The following ADARB2 variants were observed in gnomAD, a reference collection of about 807,000 sequenced individuals.
ADARB2 encodes the protein adenosine deaminase RNA specific B2 (inactive).
In ADARB2, 25 loss-of-function variants were observed where a neutral mutation model predicts 62.2. That is an observed-to-expected ratio of 0.40 (90% CI 0.29 to 0.56). The LOEUF (loss-of-function observed/expected upper bound fraction) is 0.56. Among genes scored for constraint, ADARB2 ranks in the 20% least tolerant of loss-of-function variants. The pLI is 0.43. For synonymous variants in ADARB2, 572 were observed against 500.8 expected (o/e 1.14, Z -1.90); for missense variants, 1,071 against 1,077.4 (o/e 0.99, Z 0.08).
intron 1 of ADARB2, among the ~76,000 whole-genome samples, chr10:1,458,922 C>G (rs1327625502): frequency 6.6e-6 from 1 of 151,978 alleles, no homozygotes; most frequent in Non-Finnish European, 1.5e-5. Flanking sequence ...CTTATGCAGG[C>G]AACAATCATA....
chr10:1,721,560 T>C (rs1432389002), intron 1 of ADARB2, among the ~76,000 whole-genome samples: 2 of 152,250 alleles, frequency 1.3e-5, no homozygotes, highest in African/African-American at 4.8e-5. Flanking sequence ...AAGTGATTTC[T>C]GTTGGAAGTC....
chr10:1,636,377 C>T (rs10794774), intron 1 of ADARB2, among the ~76,000 whole-genome samples: 43,985 of 151,980 alleles, frequency 0.29, 7,385 homozygotes, highest in East Asian at 0.43. Flanking sequence ...ATTAACCAGA[C>T]ATGGTAGTGT....
intron 4 of ADARB2, among the ~76,000 whole-genome samples, chr10:1,270,488 T>C (rs1447115641): frequency 6.6e-6 from 1 of 152,228 alleles, no homozygotes; most frequent in Admixed American, 6.5e-5. Context: ...TTAGCCCTCA[T>C]TCATCTTCCC....
chr10:1,214,911 A>G lies in ADARB2; in HGVS notation c.1682+2040T>C, dbSNP rs147776819. On this transcript the variant is annotated intron_variant, in intron 7 of 9. Transcript: ENST00000381312. ...TGGCTCCCCAGCCAGGAGTGCCCAG[A>G]GCCAGGAAGGAAAGGGCACCATTTT... is the stretch of plus-strand genomic sequence containing the variant. Among the ~76,000 whole-genome samples, 252 of 152,326 alleles carry G rather than the reference A, an allele frequency of 1.7e-3. 6 individuals carry two copies. In the East Asian group the frequency reaches 0.043, roughly 26 times the overall value.
At chr10:1,215,722 A>G (rs552736247) in intron 7 of ADARB2, 21 of 152,358 alleles carry the variant, frequency 1.4e-4, no homozygotes, top group African/African-American at 5.1e-4. Context: ...CTGTGACCAC[A>G]TTGTTGTTAG....
chr10:1,323,815 G>A (rs1229334928), intron 3 of ADARB2, among the ~76,000 whole-genome samples: 1 of 152,092 alleles, frequency 6.6e-6, no homozygotes, highest in Non-Finnish European at 1.5e-5. Flanking sequence ...AAAAATAAAG[G>A]AGAAAATCTT....
intron 1 of ADARB2, among the ~76,000 whole-genome samples, chr10:1,683,976 C>T (rs545520543): frequency 2.6e-5 from 4 of 152,308 alleles, no homozygotes; most frequent in Middle Eastern, 6.8e-3. Context: ...GAAAGACCAC[C>T]GCCAAAGAGC....
At chr10:1,648,613 T>C (rs1834073947) in intron 1 of ADARB2, among the ~76,000 whole-genome samples, 1 of 152,200 alleles carries the variant, frequency 6.6e-6, no homozygotes. Context: ...CAAGAGACCC[T>C]GGCCCCCGTG....
At chr10:1,324,131 A>T (rs1283505385) in intron 3 of ADARB2, among the ~76,000 whole-genome samples, 1 of 152,240 alleles carries the variant, frequency 6.6e-6, no homozygotes, top group Non-Finnish European at 1.5e-5. Context: ...GGATATATGG[A>T]TAGGCACATG....
At chr10:1,462,741 C>CTGTGTGTATGTATGCATGTGTGTGCA (rs1564296651) in intron 1 of ADARB2, among the ~76,000 whole-genome samples, 3 of 148,736 alleles carry the variant, frequency 2.0e-5, no homozygotes, top group African/African-American at 7.6e-5. Flanking sequence ...GTGTATGTGC[C>CTGTGTGTATGTATGCATGTGTGTGCA]TGTGTGTATG....
chr10:1,341,441 G>A (rs1379275159), intron 3 of ADARB2, among the ~76,000 whole-genome samples: 6 of 141,702 alleles, frequency 4.2e-5, no homozygotes, highest in East Asian at 2.1e-4. Context: ...ACCCCACAGC[G>A]GCAATAACCG....
chr10:1,398,085 C>T lies in ADARB2; in HGVS notation c.101-18925G>A, dbSNP rs1275889778. 4.3e-4 allele frequency among the ~76,000 whole-genome samples: 28 copies of T among 65,178 alleles called. No homozygotes were observed. Among genetic ancestry groups the T allele is most frequent in the Admixed American group, 9.2e-4 (5 of 5,428 alleles). The allele number at this position is 65,178 out of a possible 152,430, so 42.8% of individuals were successfully genotyped here. On this transcript the variant is annotated intron_variant, in intron 1 of 9. Coordinates refer to ENST00000381312, the MANE Select transcript of ADARB2 (RefSeq NM_018702.4). The surrounding 1 kb of genome is among the most constrained non-coding windows in gnomAD (Gnocchi z 4.1). ...CGAGTGCAGGCTTCCTGGGTCACCG[C>T]CCTCCTCTCCCCTCCCGAGTGCAGG...
intron 1 of ADARB2, among the ~76,000 whole-genome samples, chr10:1,528,725 A>C (rs1281373061): frequency 6.6e-6 from 1 of 152,208 alleles, no homozygotes; most frequent in South Asian, 2.1e-4. Context: ...GAAAACAGTT[A>C]GATGCTGTCA....
chr10:1,671,317 C>T (rs1834382499), intron 1 of ADARB2, among the ~76,000 whole-genome samples: 1 of 152,198 alleles, frequency 6.6e-6, no homozygotes. Flanking sequence ...GAGCACCTCA[C>T]CACGGTTGCC....
At chr10:1,191,032 G>C (rs944763674) in intron 8 of ADARB2, among the ~76,000 whole-genome samples, 14 of 150,780 alleles carry the variant, frequency 9.3e-5, no homozygotes, top group Admixed American at 9.2e-4. Context: ...ACACTCTGCA[G>C]AATGGGGGTT....
intron 1 of ADARB2, chr10:1,675,290 G>A (rs1834451582): frequency 1.0e-6 from 1 of 977,358 alleles, no homozygotes; most frequent in Non-Finnish European, 1.2e-6. Flanking sequence ...AGGGATGCAT[G>A]GATGTTCTGG....
At chr10:1,288,452 G>A (rs1201457973) in intron 3 of ADARB2, among the ~76,000 whole-genome samples, 2 of 152,190 alleles carry the variant, frequency 1.3e-5, no homozygotes, top group Non-Finnish European at 2.9e-5. Flanking sequence ...AGGCAGTTAC[G>A]ATTATTGTCC....
intron 1 of ADARB2, among the ~76,000 whole-genome samples, chr10:1,589,606 G>A (rs796953203): frequency 1.1e-4 from 17 of 152,334 alleles, no homozygotes; most frequent in African/African-American, 3.4e-4. Context: ...GGCCACCCCT[G>A]AGTTAGAAGC....
rs1309604268 is a variant in ADARB2 at position 1,363,067 on chromosome 10, G to C, written c.1038C>G (p.Gly346=). 6.9e-7 allele frequency: 1 copy of C among 1,456,030 alleles called. No homozygotes were observed. The highest frequency in any genetic ancestry group is 9.0e-7 in the Non-Finnish European group (1 of 1,107,274). The allele number at this position is 1,456,030 out of a possible 1,614,324, so 90.2% of individuals were successfully genotyped here. A position where few individuals can be genotyped will look rare whatever the true frequency, so the allele number is the denominator to read the frequency against. The change falls in exon 3 of 10, where the codon GGC becomes GGG. Residue 346 remains glycine, a synonymous_variant. Transcript: ENST00000381312. Reference sequence around the variant, plus strand: ...TCCTCCTGGCCCTGCCGGGCGCGTGGCCGGGCATCTGGATGTCGAACAGCT... The same window carrying C: ...TCCTCCTGGCCCTGCCGGGCGCGTGCCCGGGCATCTGGATGTCGAACAGCT... ...LQELFDIQMP[G]HAPGRARRTP...
Sources: allele counts gnomAD v4.1 joint callset (sites outside exome capture counted in the v4.1 genomes callset), GRCh38; gene constraint gnomAD v4.1.1; non-coding constraint Gnocchi (gnomAD v3.1); transcripts MANE v1.5; gene names NCBI Gene and HGNC (gene_info 2026-07-23, HGNC 2026-07-21).